ERLIN1: variants seen among roughly 807,000 people sequenced by gnomAD.
ERLIN1 encodes the protein erlin-1.
ERLIN1 carries 24 observed loss-of-function variants against 46.9 expected under a neutral mutation model. The observed-to-expected ratio is 0.51, with a 90% CI of 0.37 to 0.72. ERLIN1 has a LOEUF of 0.72. Among genes scored for constraint, ERLIN1 ranks in the 30% least tolerant of loss-of-function variants. ERLIN1 has a pLI of 0.00. For synonymous variants in ERLIN1, 158 were observed against 143.2 expected (o/e 1.10, Z -0.74); for missense variants, 293 against 417.9 (o/e 0.70, Z 2.61).
chr10:100,185,333 A>T (rs929138449), intron 1 of ERLIN1, among the ~76,000 whole-genome samples, 181 bp downstream of exon 1: 9 of 152,204 alleles, frequency 5.9e-5, no homozygotes, highest in African/African-American at 2.2e-4. Flanking sequence ...AAACGAACAT[A>T]GCACTAAAAC....
chr10:100,175,510 T>A (rs761076920), intron 5 of ERLIN1, among the ~76,000 whole-genome samples: 1 of 152,314 alleles, frequency 6.6e-6, no homozygotes, highest in Non-Finnish European at 1.5e-5. Context: ...CTGCACCTGC[T>A]TTCCTCTGCA....
At chr10:100,160,739 G>A (rs1350433270) in intron 8 of ERLIN1, among the ~76,000 whole-genome samples, 1 of 152,208 alleles carries the variant, frequency 6.6e-6, no homozygotes, top group East Asian at 1.9e-4. Context: ...TTGAACTCAG[G>A]AATTCAAGAC....
In ERLIN1 at chr10:100,152,160, C is replaced by T. The variant is rs373292585; in HGVS notation, c.1018G>A (p.Val340Ile). The change falls in exon 11 of 11, where the codon GTC becomes ATC. Residue 340 changes from valine (V) to isoleucine (I), a missense_variant. Around this residue, in one of 3 missense-constraint regions of ERLIN1, gnomAD observed 69 missense variants for 74.5 expected, o/e 0.93. Coordinates refer to ENST00000421367, the MANE Select transcript of ERLIN1 (RefSeq NM_006459.4). ...CCTGTGCTCTCTTTGTTTTGGATGA[C>T]GTTCTCTCCAGAGGGTTCAAGAGCC... is the stretch of plus-strand genomic sequence containing the variant. ...KEALEPSGEN[V>I]IQNKESTG 2.9e-5 allele frequency: 46 copies of T among 1,612,602 alleles called. No individual in the cohort carries two copies. Among genetic ancestry groups the T allele is most frequent in the East Asian group, 2.0e-4 (9 of 44,892 alleles).
At chr10:100,171,602 G>A (rs1435199554) in intron 6 of ERLIN1, among the ~76,000 whole-genome samples, 1 of 151,920 alleles carries the variant, frequency 6.6e-6, no homozygotes, top group Admixed American at 6.6e-5. Flanking sequence ...GTGGAGAAGG[G>A]GTCTCACTAT....
At chr10:100,175,660 G>A (rs375925164) in intron 5 of ERLIN1, among the ~76,000 whole-genome samples, 2 of 152,138 alleles carry the variant, frequency 1.3e-5, no homozygotes, top group East Asian at 1.9e-4. Context: ...TCAAGACACA[G>A]GTTTCTAAAT....
chr10:100,167,952 A>G (rs77750063), intron 6 of ERLIN1, among the ~76,000 whole-genome samples: 2,044 of 152,326 alleles, frequency 0.013, 49 homozygotes, highest in African/African-American at 0.047. Flanking sequence ...AGGAAAACAA[A>G]TATCAATTAA....
At position 100,166,138 on chromosome 10, in the gene ERLIN1, G is replaced by A. The variant is rs567654522; in HGVS notation, c.563+1210C>T. Among the ~76,000 whole-genome samples the A allele has an allele frequency of 1.9e-3, 297 of 152,316 alleles. 2 individuals carry two copies. Among genetic ancestry groups the A allele is most frequent in the African/African-American group, 6.6e-3 (275 of 41,570 alleles). On this transcript the variant is annotated intron_variant, in intron 7 of 10. Transcript: ENST00000421367. ...TGTCTACAATGAAAAAGAGAAAACAGGCTGGGTGTGGTGACTCAAGCCTGT... is the reference window on the plus strand; with the variant it reads ...TGTCTACAATGAAAAAGAGAAAACAAGCTGGGTGTGGTGACTCAAGCCTGT...
chr10:100,176,018 G>A lies in ERLIN1; in HGVS notation c.357C>T (p.Phe119=), dbSNP rs1389652917. Residue 119 remains phenylalanine, a synonymous_variant, in exon 5 of 11, where the codon TTC becomes TTT. Transcript: ENST00000421367. ...YTADYDKTLI[F]NKIHHELNQF... ...GGTTCAGCTCATGGTGGATTTTATT[G>A]AAGATTAAGGTCTTGTCATAATCTG... 2 of 1,612,714 alleles carry A rather than the reference G, an allele frequency of 1.2e-6. No homozygotes were observed. Among genetic ancestry groups the A allele is most frequent in the East Asian group, 2.2e-5 (1 of 44,872 alleles).
chr10:100,168,564 A>T (rs541659472), intron 6 of ERLIN1, among the ~76,000 whole-genome samples: 1 of 152,226 alleles, frequency 6.6e-6, no homozygotes, highest in African/African-American at 2.4e-5. Flanking sequence ...ACTAGCAGAC[A>T]TAAGATTACT....
intron 2 of ERLIN1, among the ~76,000 whole-genome samples, chr10:100,183,488 A>C (rs1001440089): frequency 1.4e-4 from 21 of 152,378 alleles, no homozygotes; most frequent in Non-Finnish European, 2.6e-4. Context: ...CAGCAGCAAC[A>C]GAAAATTTGC....
intron 3 of ERLIN1, 29 bp from the exon 4 acceptor site, chr10:100,178,223 A>T: frequency 7.0e-7 from 1 of 1,429,804 alleles, no homozygotes; most frequent in South Asian, 1.2e-5. Context: ...AGTGTGAACT[A>T]CTAAAGGCAA....
chr10:100,168,268 C>G (rs867410591), intron 6 of ERLIN1, among the ~76,000 whole-genome samples: 2 of 152,206 alleles, frequency 1.3e-5, no homozygotes, highest in African/African-American at 4.8e-5. Context: ...TTAAGAATAA[C>G]AAAGCCTTTA....
In ERLIN1 at chr10:100,175,963, C is replaced by T. The variant is rs1242609077; in HGVS notation, c.412G>A (p.Val138Ile). ...CACTTACCAAACAATTCAATGTAAA[C>T]TTCCTGAAGTGTGTGGGCACTGCAG... Reference protein sequence around the residue: ...QFCSAHTLQEVYIELFDQIDE... With the variant: ...QFCSAHTLQEIYIELFDQIDE... The change falls in exon 5 of 11, where the codon GTT (valine) becomes ATT (isoleucine). Residue 138 changes from valine to isoleucine, a missense_variant. Val to Ile is a conservative substitution (Grantham distance 29). Coordinates refer to ENST00000421367, the MANE Select transcript of ERLIN1 (RefSeq NM_006459.4). 6.2e-7 allele frequency: 1 copy of T among 1,613,162 alleles called. No individual in the cohort carries two copies. The highest frequency in any genetic ancestry group is 8.5e-7 in the Non-Finnish European group (1 of 1,179,506).
At position 100,151,928 on chromosome 10, in the gene ERLIN1, G is replaced by C; in HGVS notation, c.*203C>G. On this transcript the variant is annotated 3_prime_UTR_variant, in exon 11 of 11. Coordinates refer to ENST00000421367, the MANE Select transcript of ERLIN1 (RefSeq NM_006459.4). ...AGAAAGGAATACATATAGGATACTT[G>C]ATAAGACTGTGGCTGAAAAGACCAT... 1 of 628,282 alleles carries C rather than the reference G, an allele frequency of 1.6e-6. No homozygotes were observed. The highest frequency in any genetic ancestry group is 1.8e-5 in the South Asian group (1 of 56,568). The allele number at this position is 628,282 out of a possible 1,614,324, so 38.9% of individuals were successfully genotyped here.
At chr10:100,165,600 A>G (rs1303206421) in intron 7 of ERLIN1, among the ~76,000 whole-genome samples, 2 of 151,780 alleles carry the variant, frequency 1.3e-5, no homozygotes, top group African/African-American at 4.8e-5. Flanking sequence ...GTTAGCTAGG[A>G]TGGTCTCGAT....
At chr10:100,162,400 T>G (rs1843404214) in intron 8 of ERLIN1, among the ~76,000 whole-genome samples, 1 of 152,154 alleles carries the variant, frequency 6.6e-6, no homozygotes, top group Admixed American at 6.5e-5. Flanking sequence ...CCAAGAAGGA[T>G]GTGTGGAAAT....
In ERLIN1 at chr10:100,150,456, T is replaced by G. The variant is rs1842745654; in HGVS notation, c.*1675A>C. 1.3e-5 allele frequency: 2 copies of G among 151,722 alleles called. No homozygotes were observed. The highest frequency in any genetic ancestry group is 4.1e-4 in the South Asian group (2 of 4,836). The allele number at this position is 151,722 out of a possible 1,614,324, so 9.4% of individuals were successfully genotyped here. On this transcript the variant is annotated 3_prime_UTR_variant, in exon 11 of 11. Coordinates refer to ENST00000421367, the MANE Select transcript of ERLIN1 (RefSeq NM_006459.4). ...GCAACAATTCGACAGGTAAAGATTTTATTTTTATAATTCAAAAGTTCTTTT... is the reference window on the plus strand; with the variant it reads ...GCAACAATTCGACAGGTAAAGATTTGATTTTTATAATTCAAAAGTTCTTTT...
chr10:100,183,799 T>C lies in ERLIN1; in HGVS notation c.152A>G (p.Tyr51Cys), dbSNP rs1377717152. The part of the protein sequence containing the change: ...ALLTSPSGPG[Y>C]HIMLPFITTF... Reference sequence around the variant, plus strand: ...AGTAATGAAAGGCAACATGATATGATAGCCTGGTCCACTGGGGCTAGTTAG... The same window carrying C: ...AGTAATGAAAGGCAACATGATATGACAGCCTGGTCCACTGGGGCTAGTTAG... Residue 51 changes from tyrosine (Y) to cysteine (C), a missense_variant, in exon 2 of 11, where the codon TAT becomes TGT. Coordinates refer to ENST00000421367, the MANE Select transcript of ERLIN1 (RefSeq NM_006459.4). 2 of 1,613,622 alleles carry C rather than the reference T, an allele frequency of 1.2e-6. No homozygotes were observed. The highest frequency in any genetic ancestry group is 2.2e-5 in the East Asian group (1 of 44,884).
chr10:100,185,897 CACTA>C lies in ERLIN1; in HGVS notation c.-275_-272del, dbSNP rs1018824406. 1.7e-5 allele frequency: 8 copies of C among 484,472 alleles called. No individual in the cohort carries two copies. Among genetic ancestry groups the C allele is most frequent in the Admixed American group, 3.9e-5 (1 of 25,950 alleles). 30.0% of individuals were successfully genotyped at this position (484,472 alleles called of 1,614,324 possible). On this transcript the variant is annotated 5_prime_UTR_variant, in exon 1 of 11. Coordinates refer to ENST00000421367, the MANE Select transcript of ERLIN1 (RefSeq NM_006459.4). ...CCAAGGGTCGCTCCCGGGTGGAAGG[CACTA>C]ACTGAGAAGAAGCCCAGCCGCAGGC...
Sources: allele counts gnomAD v4.1 joint callset (sites outside exome capture counted in the v4.1 genomes callset), GRCh38; gene constraint gnomAD v4.1.1; regional missense constraint gnomAD v4.1.1; transcripts MANE v1.5; gene names NCBI Gene and HGNC (gene_info 2026-07-23, HGNC 2026-07-21).